ZNF804B: variants seen among roughly 807,000 people sequenced by gnomAD.
ZNF804B encodes the protein zinc finger 804B.
ZNF804B carries 80 observed loss-of-function variants against 101.4 expected under a neutral mutation model. The observed-to-expected ratio is 0.79, with a 90% CI of 0.66 to 0.95. The LOEUF is 0.95. Among genes scored for constraint, ZNF804B ranks in the 40% least tolerant of loss-of-function variants. The pLI is 0.00. For synonymous variants in ZNF804B, 622 were observed against 558.8 expected (o/e 1.11, Z -1.59); for missense variants, 1,673 against 1,561.9 (o/e 1.07, Z -1.20).
intron 1 of ZNF804B, among the ~76,000 whole-genome samples, chr7:89,057,586 T>G (rs1789317421): frequency 2.0e-5 from 3 of 152,050 alleles, no homozygotes; most frequent in African/African-American, 2.4e-5. Context: ...TTAGTGGAAT[T>G]TACATTGTTT....
chr7:89,305,736 ATTC>A (rs898243544), intron 2 of ZNF804B, among the ~76,000 whole-genome samples: 6 of 151,980 alleles, frequency 3.9e-5, no homozygotes, highest in Non-Finnish European at 4.4e-5. Flanking sequence ...TATTTTGTAA[ATTC>A]TTTTTTTTCC....
Position 89,231,648 on chromosome 7 carries a change from A to AT in ZNF804B, c.249+13359dup, listed in dbSNP as rs1395174621. ...ATCTTGTGTAGTTTTTATTTTACACATTTTTTCTTGTTAAATATGACACAT... is the reference window on the plus strand; with the variant it reads ...ATCTTGTGTAGTTTTTATTTTACACATTTTTTTCTTGTTAAATATGACACAT... On this transcript the variant is annotated intron_variant, in intron 2 of 3. Coordinates refer to ENST00000333190, the MANE Select transcript of ZNF804B (RefSeq NM_181646.5). 2.6e-5 allele frequency among the ~76,000 whole-genome samples: 4 copies of AT among 151,886 alleles called. No individual in the cohort carries two copies. The East Asian group carries it at 5.8e-4, about 22-fold the overall frequency.
At chr7:89,035,756 AT>A (rs1273459922) in intron 1 of ZNF804B, among the ~76,000 whole-genome samples, 1 of 151,354 alleles carries the variant, frequency 6.6e-6, no homozygotes, top group African/African-American at 2.4e-5. Flanking sequence ...GAATATACTG[AT>A]TTAAGAACAG....
chr7:89,194,164 GT>G (rs1231896785), intron 1 of ZNF804B, among the ~76,000 whole-genome samples: 2 of 151,820 alleles, frequency 1.3e-5, no homozygotes, highest in Non-Finnish European at 2.9e-5. Context: ...GGGGTTGTTT[GT>G]TTTTTTCTTG....
At chr7:88,954,709 T>C (rs1793277617) in intron 1 of ZNF804B, among the ~76,000 whole-genome samples, 1 of 151,718 alleles carries the variant, frequency 6.6e-6, no homozygotes, top group African/African-American at 2.4e-5. Context: ...GTATCTTTAG[T>C]TTCCTTTCCT....
intron 2 of ZNF804B, among the ~76,000 whole-genome samples, chr7:89,240,285 T>G (rs1789347463): frequency 6.6e-6 from 1 of 152,072 alleles, no homozygotes; most frequent in Non-Finnish European, 1.5e-5. Flanking sequence ...TTTAGCTTCC[T>G]CAAACTCTTG....
intron 1 of ZNF804B, among the ~76,000 whole-genome samples, chr7:89,071,781 T>TACACACACAC (rs36061852): frequency 2.5e-3 from 375 of 147,828 alleles, no homozygotes; most frequent in Middle Eastern, 0.01. Flanking sequence ...CACACAAATG[T>TACACACACAC]ACACACACAC....
At chr7:88,939,399 T>C (rs1287583081) in intron 1 of ZNF804B, among the ~76,000 whole-genome samples, 1 of 151,974 alleles carries the variant, frequency 6.6e-6, no homozygotes, top group African/African-American at 2.4e-5. Flanking sequence ...TTTGGTTGAA[T>C]CCACAGACAG....
At chr7:89,139,364 A>C (rs1312031825) in intron 1 of ZNF804B, among the ~76,000 whole-genome samples, 1 of 152,014 alleles carries the variant, frequency 6.6e-6, no homozygotes, top group East Asian at 1.9e-4. Flanking sequence ...TGGCTGTGTA[A>C]ATTTCTTAAA....
chr7:89,192,812 A>T (rs1788478026), intron 1 of ZNF804B, among the ~76,000 whole-genome samples: 1 of 152,036 alleles, frequency 6.6e-6, no homozygotes, highest in South Asian at 2.1e-4. Flanking sequence ...CCATGATCAA[A>T]TAGTATTTAT....
At chr7:89,142,338 G>T (rs561227137) in intron 1 of ZNF804B, among the ~76,000 whole-genome samples, 1 of 151,882 alleles carries the variant, frequency 6.6e-6, no homozygotes, top group African/African-American at 2.4e-5. Flanking sequence ...TTTTGCTAAA[G>T]ATTTGGCTAA....
At chr7:88,896,481 G>C (rs371769472) in intron 1 of ZNF804B, among the ~76,000 whole-genome samples, 8 of 152,042 alleles carry the variant, frequency 5.3e-5, no homozygotes, top group Non-Finnish European at 8.8e-5. Context: ...GCACATGGAG[G>C]CTTCAAAAAG....
At chr7:88,997,912 C>G (rs1788224660) in intron 1 of ZNF804B, among the ~76,000 whole-genome samples, 1 of 152,000 alleles carries the variant, frequency 6.6e-6, no homozygotes, top group African/African-American at 2.4e-5. Flanking sequence ...ATGCTAGTAA[C>G]TTTTTTACTC....
intron 2 of ZNF804B, among the ~76,000 whole-genome samples, chr7:89,266,539 C>T (rs919408853): frequency 1.3e-5 from 2 of 152,038 alleles, no homozygotes; most frequent in African/African-American, 4.8e-5. Context: ...TACAGTTTTT[C>T]ATATAAAAAC....
intron 1 of ZNF804B, among the ~76,000 whole-genome samples, chr7:88,843,572 C>G (rs1482614775): frequency 6.6e-6 from 1 of 151,998 alleles, no homozygotes; most frequent in African/African-American, 2.4e-5. Flanking sequence ...CCCGTCTCTA[C>G]TAAAAATACA....
intron 1 of ZNF804B, among the ~76,000 whole-genome samples, chr7:88,951,476 GCA>G (rs1460718337): frequency 6.6e-6 from 1 of 151,656 alleles, no homozygotes; most frequent in African/African-American, 2.4e-5. Context: ...GCACGCGCAC[GCA>G]CATATATAAT....
chr7:89,101,278 T>C (rs552886672), intron 1 of ZNF804B, among the ~76,000 whole-genome samples: 3 of 152,154 alleles, frequency 2.0e-5, no homozygotes, highest in African/African-American at 7.2e-5. Context: ...TATCACCAAT[T>C]TGGCGAGGTT....
intron 1 of ZNF804B, among the ~76,000 whole-genome samples, chr7:89,046,147 T>A (rs1024590868): frequency 6.6e-6 from 1 of 151,510 alleles, no homozygotes; most frequent in Non-Finnish European, 1.5e-5. Context: ...TTCTCCTTCC[T>A]GCCATCATGT....
chr7:89,035,512 A>G (rs1298358729), intron 1 of ZNF804B, among the ~76,000 whole-genome samples: 4 of 151,992 alleles, frequency 2.6e-5, no homozygotes, highest in African/African-American at 9.7e-5. Flanking sequence ...CACATGATGG[A>G]AAAAAATGAG....
Sources: gnomAD v4.1 joint callset for allele counts (sites outside exome capture counted in the v4.1 genomes callset) on GRCh38, gnomAD v4.1.1 for gene constraint, MANE v1.5 for transcripts, NCBI Gene and HGNC (gene_info 2026-07-23, HGNC 2026-07-21) for gene names.